SON: variants seen among roughly 807,000 people sequenced by gnomAD.
SON encodes the protein SON DNA and RNA binding protein.
A neutral mutation model predicts 173.3 loss-of-function variants in SON; 4 were observed. The observed-to-expected ratio is 0.02, with a 90% CI of 0.01 to 0.05. The LOEUF (loss-of-function observed/expected upper bound fraction) is 0.05, where lower values mean the gene tolerates loss of function less well. Among genes scored for constraint, SON ranks in the 10% least tolerant of loss-of-function variants. SON has a pLI of 1.00. For synonymous variants in SON, 1,190 were observed against 1,105.9 expected (o/e 1.08, Z -1.51); for missense variants, 2,626 against 3,055.3 (o/e 0.86, Z 3.31).
intron 8 of SON, chr21:33,569,569 TCA>T (rs1159156018): frequency 4.4e-6 from 2 of 450,610 alleles, no homozygotes; most frequent in Admixed American, 5.1e-5. Flanking sequence ...CCCACCCGCT[TCA>T]TTAGTGCCTG....
At chr21:33,568,001 G>C (rs952913167) in intron 7 of SON, among the ~76,000 whole-genome samples, 9 of 152,180 alleles carry the variant, frequency 5.9e-5, no homozygotes, top group African/African-American at 2.2e-4. Flanking sequence ...TCTGAATCTG[G>C]AGTCTGTGCT....
intron 9 of SON, among the ~76,000 whole-genome samples, chr21:33,574,796 CCCCTTTG>C (rs1260560918): frequency 2.0e-5 from 3 of 152,120 alleles, no homozygotes; most frequent in African/African-American, 7.2e-5. Flanking sequence ...TGTAGCTAAT[CCCCTTTG>C]TAATAAGTCT....
Position 33,546,074 on chromosome 21 carries a change from A to G in SON, c.78-139A>G. On this transcript the variant is annotated intron_variant, in intron 1 of 11. Coordinates refer to ENST00000356577, the MANE Select transcript of SON (RefSeq NM_138927.4). Reference sequence around the variant, plus strand: ...TAAGTAGATCATGGTAAGAAGCATTATTAGTGGTGAATATCTAAAATAGGA... The same window carrying G: ...TAAGTAGATCATGGTAAGAAGCATTGTTAGTGGTGAATATCTAAAATAGGA... 4.8e-6 allele frequency: 3 copies of G among 624,002 alleles called. No individual in the cohort carries two copies. In the South Asian group the frequency reaches 8.2e-5, roughly 17 times the overall value. 38.7% of individuals were successfully genotyped at this position (624,002 alleles called of 1,614,324 possible). A position where few individuals can be genotyped will look rare whatever the true frequency, so the allele number is the denominator to read the frequency against.
chr21:33,557,750 A>C, intron 4 of SON: 1 of 1,388,760 alleles, frequency 7.2e-7, no homozygotes, highest in Non-Finnish European at 9.4e-7. Context: ...ATTAATAAGA[A>C]TAGCTGGCCA....
At chr21:33,566,323 A>C (rs118108352) in intron 6 of SON, among the ~76,000 whole-genome samples, 2,111 of 152,256 alleles carry the variant, frequency 0.014, 25 homozygotes, top group Non-Finnish European at 0.021. Context: ...AAAAAATAAC[A>C]AATACTTATC....
intron 6 of SON, chr21:33,560,287 T>C (rs1486242844): frequency 2.8e-6 from 4 of 1,429,292 alleles, no homozygotes; most frequent in African/African-American, 1.4e-5. Flanking sequence ...TCTGGGTTGT[T>C]TGTCAGATAG....
In SON at chr21:33,554,196, T is replaced by C. The variant is rs746428275; in HGVS notation, c.4965T>C (p.Ile1655=). Residue 1655 remains isoleucine (I), a synonymous_variant, in exon 3 of 12, where the codon ATT becomes ATC. Transcript: ENST00000356577. ...TSPSGGSEAD[I]EGPLPAKDIH... ...CTAGTGGTGGTAGTGAAGCTGACAT[T>C]GAAGGGCCTTTGCCTGCTAAAGATA... The C allele has an allele frequency of 1.2e-6, 2 of 1,614,148 alleles. No individual in the cohort carries two copies. The highest frequency in any genetic ancestry group is 8.5e-7 in the Non-Finnish European group (1 of 1,179,994).
intron 1 of SON, chr21:33,543,534 C>T (rs774906473): frequency 3.3e-5 from 4 of 122,654 alleles, no homozygotes; most frequent in Middle Eastern, 2.1e-3. Flanking sequence ...CGCGTATCCC[C>T]TCCCCCTCTC....
At chr21:33,548,340 G>C (rs138453265) in intron 2 of SON, among the ~76,000 whole-genome samples, 1 of 152,056 alleles carries the variant, frequency 6.6e-6, no homozygotes, top group East Asian at 1.9e-4. Flanking sequence ...TAAGTTATAA[G>C]GACTAAGAAT....
chr21:33,553,396 G>T lies in SON; in HGVS notation c.4165G>T (p.Val1389Leu), dbSNP rs370767348. ...STVTVLEPSV[V>L]TVPEPPVVAE... ...TGTAACTGTCCTGGAGCCTTCGGTT[G>T]TGACTGTCCCGGAGCCTCCTGTTGT... is the stretch of plus-strand genomic sequence containing the variant. The change falls in exon 3 of 12, where the codon GTG becomes TTG. Residue 1389 changes from valine (V) to leucine (L), a missense_variant. By Grantham distance (32) the Val-to-Leu change is conservative (BLOSUM62 1). This residue lies in a region of SON where 1,006 missense variants were observed against 895.6 expected (regional missense o/e 1.12). Coordinates refer to ENST00000356577, the MANE Select transcript of SON (RefSeq NM_138927.4). 1.1e-5 allele frequency: 18 copies of T among 1,613,636 alleles called. No homozygotes were observed. The highest frequency in any genetic ancestry group is 1.5e-5 in the Non-Finnish European group (18 of 1,179,712).
chr21:33,551,955 A>G lies in SON; in HGVS notation c.2724A>G (p.Ser908=). 1 of 1,614,144 alleles carries G rather than the reference A, an allele frequency of 6.2e-7. No homozygotes were observed. The highest frequency in any genetic ancestry group is 8.5e-7 in the Non-Finnish European group (1 of 1,179,988). The change falls in exon 3 of 12, where the codon TCA becomes TCG. Residue 908 remains serine, a synonymous_variant. Transcript: ENST00000356577. ...SSTQDSAMLG[S]KSPDPYRLAQ... ...CCCAAGATTCTGCTATGTTGGGTTC[A>G]AAATCTCCTGATCCCTATAGGTTAG...
intron 6 of SON, among the ~76,000 whole-genome samples, chr21:33,561,433 A>G (rs2145855033): frequency 6.6e-6 from 1 of 152,320 alleles, no homozygotes; most frequent in African/African-American, 2.4e-5. Flanking sequence ...TAAGCATTTA[A>G]AAAAGAGTTG....
At position 33,553,269 on chromosome 21, in the gene SON, G is replaced by T. The variant is rs138719470; in HGVS notation, c.4038G>T (p.Pro1346=). Residue 1346 remains proline, a synonymous_variant, in exon 3 of 12, where the codon CCG becomes CCT. Coordinates refer to ENST00000356577, the MANE Select transcript of SON (RefSeq NM_138927.4). ...TGCTGGCAGAGAGCATTCTGGAGCCGCCAGCCATGGCTGCCCCAGAGTCTT... is the reference window on the plus strand; with the variant it reads ...TGCTGGCAGAGAGCATTCTGGAGCCTCCAGCCATGGCTGCCCCAGAGTCTT... ...TPVLAESILE[P]PAMAAPESSA... is the part of the protein sequence containing the mutation. 2.5e-6 allele frequency: 4 copies of T among 1,614,062 alleles called. No homozygotes were observed. In the Admixed American group the frequency reaches 5.0e-5, roughly 20 times the overall value.
At chr21:33,556,420 G>C (rs894773879) in intron 3 of SON, among the ~76,000 whole-genome samples, 4 of 152,122 alleles carry the variant, frequency 2.6e-5, no homozygotes, top group African/African-American at 9.7e-5. Context: ...TGTTAGAAGA[G>C]GTGGCACTTC....
intron 2 of SON, 142 bp downstream of exon 2, chr21:33,546,521 T>G (rs112971691): frequency 1.7e-6 from 1 of 602,566 alleles, no homozygotes; most frequent in Non-Finnish European, 2.7e-6. Context: ...GGCTCACGCC[T>G]GTAATCCCAG....
At position 33,559,602 on chromosome 21, in the gene SON, C is replaced by T; in HGVS notation, c.6484C>T (p.Pro2162Ser). 2 of 1,609,664 alleles carry T rather than the reference C, an allele frequency of 1.2e-6. No individual in the cohort carries two copies. The highest frequency in any genetic ancestry group is 1.3e-5 in the African/African-American group (1 of 74,608). Residue 2162 changes from proline to serine, a missense_variant, in exon 6 of 12, where the codon CCA becomes TCA. Coordinates refer to ENST00000356577, the MANE Select transcript of SON (RefSeq NM_138927.4). This position sits in a 1 kb window ranked among gnomAD's most constrained non-coding sequence, Gnocchi z 4.1. ...TATTTTTTAGATTGCTGCAGCAAAA[C>T]CAACTCCACCAAAAAGCCAGGTAAC... Reference protein sequence around the residue: ...FFNLNIAAAKPTPPKSQVTLT... With the variant: ...FFNLNIAAAKSTPPKSQVTLT...
At chr21:33,570,560 A>C (rs1198074885) in intron 8 of SON, among the ~76,000 whole-genome samples, 1 of 152,224 alleles carries the variant, frequency 6.6e-6, no homozygotes, top group African/African-American at 2.4e-5. Flanking sequence ...AAATGTATAT[A>C]GCAAAATATT....
rs573546432 is a variant in SON, at chr21:33,549,187, G to A, written c.245-289G>A. Reference sequence around the variant, plus strand: ...TCGACCTACTGGGTTCAAGTGATCCGCCTCAGCCTCCCAAATAGCTGGGAC... The same window carrying A: ...TCGACCTACTGGGTTCAAGTGATCCACCTCAGCCTCCCAAATAGCTGGGAC... On this transcript the variant is annotated intron_variant, in intron 2 of 11. Transcript: ENST00000356577. 8.2e-5 allele frequency among the ~76,000 whole-genome samples: 9 copies of A among 109,112 alleles called. No individual in the cohort carries two copies. The South Asian group carries it at 9.4e-4, about 11-fold the overall frequency. The allele number at this position is 109,112 out of a possible 152,430, so 71.6% of individuals were successfully genotyped here. A position where few individuals can be genotyped will look rare whatever the true frequency, so the allele number is the denominator to read the frequency against.
At chr21:33,572,362 A>T (rs1313309381) in intron 8 of SON, 2 of 292,330 alleles carry the variant, frequency 6.8e-6, no homozygotes, top group Non-Finnish European at 1.4e-5. Flanking sequence ...AATAAGAGGC[A>T]TTGAATATTT....
Sources: allele counts gnomAD v4.1 joint callset (sites outside exome capture counted in the v4.1 genomes callset), GRCh38; gene constraint gnomAD v4.1.1; regional missense constraint gnomAD v4.1.1; non-coding constraint Gnocchi (gnomAD v3.1); transcripts MANE v1.5; gene names NCBI Gene and HGNC (gene_info 2026-07-23, HGNC 2026-07-21).